DHRS7B: variants seen among roughly 807,000 people sequenced by gnomAD.
DHRS7B encodes dehydrogenase/reductase 7B, also known as peroxisomal reductase activating PPAR-gamma.
A neutral mutation model predicts 26.4 loss-of-function variants in DHRS7B; 24 were observed. The observed-to-expected ratio is 0.91, with a 90% confidence interval of 0.66 to 1.28. The LOEUF (loss-of-function observed/expected upper bound fraction) is 1.28, where lower values mean the gene tolerates loss of function less well. Among genes scored for constraint, DHRS7B ranks in the 50% most tolerant of loss-of-function variants. DHRS7B has a pLI of 0.00. For synonymous variants in DHRS7B, 142 were observed against 166.4 expected (o/e 0.85, Z 1.13); for missense variants, 368 against 419.4 (o/e 0.88, Z 1.07).
chr17:21,188,884 T>C, intron 6 of DHRS7B, 21 bp downstream of exon 6: 1 of 1,614,128 alleles, frequency 6.2e-7, no homozygotes, highest in East Asian at 2.2e-5. Context: ...GTTTCTCTTT[T>C]CTCCTATGAA....
intron 1 of DHRS7B, chr17:21,128,806 GT>G (rs1973161798): frequency 6.6e-6 from 1 of 150,690 alleles, no homozygotes; most frequent in South Asian, 2.1e-4. Flanking sequence ...GGAGGCAGAG[GT>G]TGCAGTGAGC....
intron 1 of DHRS7B, chr17:21,168,814 G>A (rs917663119): frequency 2.9e-5 from 29 of 985,370 alleles, no homozygotes; most frequent in Non-Finnish European, 3.5e-5. Flanking sequence ...CAGGCAAAGT[G>A]GTCTCCAGGG....
At chr17:21,159,252 T>TTC (rs1973946538) in intron 1 of DHRS7B, among the ~76,000 whole-genome samples, 1 of 141,066 alleles carries the variant, frequency 7.1e-6, no homozygotes, top group African/African-American at 2.8e-5. Context: ...CTTTCTTTCT[T>TTC]TTTTTTTTTT....
chr17:21,151,493 A>C (rs1973769952), intron 1 of DHRS7B, among the ~76,000 whole-genome samples: 1 of 147,152 alleles, frequency 6.8e-6, no homozygotes, highest in Admixed American at 6.9e-5. Flanking sequence ...AGCCTGGATG[A>C]CAGTGTGAGA....
intron 5 of DHRS7B, among the ~76,000 whole-genome samples, chr17:21,185,759 C>T (rs1974617633): frequency 6.6e-6 from 1 of 151,908 alleles, no homozygotes; most frequent in Admixed American, 6.6e-5. Flanking sequence ...GCGATCTCGG[C>T]TCACTACAAC....
intron 1 of DHRS7B, among the ~76,000 whole-genome samples, chr17:21,142,263 A>G (rs886796233): frequency 1.1e-4 from 17 of 152,158 alleles, no homozygotes; most frequent in African/African-American, 4.1e-4. Flanking sequence ...AGTGAAACAG[A>G]ACAGAACGGG....
chr17:21,153,556 AG>A (rs1834311298), intron 1 of DHRS7B, among the ~76,000 whole-genome samples: 2 of 152,232 alleles, frequency 1.3e-5, no homozygotes, highest in Admixed American at 1.3e-4. Flanking sequence ...GAGAACACCA[AG>A]CAGGATGTCT....
At chr17:21,185,743 A>G (rs1248999005) in intron 5 of DHRS7B, among the ~76,000 whole-genome samples, 1 of 151,950 alleles carries the variant, frequency 6.6e-6, no homozygotes, top group Non-Finnish European at 1.5e-5. Context: ...GCTAGAGTGC[A>G]GTAGTGCGAT....
intron 1 of DHRS7B, among the ~76,000 whole-genome samples, chr17:21,142,527 A>G (rs1973540207): frequency 6.6e-6 from 1 of 152,224 alleles, no homozygotes; most frequent in African/African-American, 2.4e-5. Context: ...AGCCTCAGAA[A>G]GTCCTGAAGA....
chr17:21,183,742 A>G lies in DHRS7B; in HGVS notation c.458A>G (p.Asp153Gly). 2.5e-6 allele frequency: 4 copies of G among 1,614,240 alleles called. No homozygotes were observed. The highest frequency in any genetic ancestry group is 3.4e-6 in the Non-Finnish European group (4 of 1,180,036). The change falls in exon 4 of 7, where the codon GAC becomes GGC. Residue 153 changes from aspartate to glycine, a missense_variant. Transcript: ENST00000395511. ...ATCAGCTACCGTGGTACCATCATGG[A>G]CACCACAGTGGATGTGGACAAGAGG... is the stretch of plus-strand genomic sequence containing the variant. ...AGISYRGTIM[D>G]TTVDVDKRVM...
intron 1 of DHRS7B, among the ~76,000 whole-genome samples, chr17:21,153,305 C>G (rs912744489): frequency 6.6e-6 from 1 of 151,970 alleles, no homozygotes; most frequent in Non-Finnish European, 1.5e-5. Flanking sequence ...GAGAGAATCT[C>G]TGAGCTTTGA....
At chr17:21,141,619 C>CAA (rs71357469) in intron 1 of DHRS7B, among the ~76,000 whole-genome samples, 4 of 14,378 alleles carry the variant, frequency 2.8e-4, no homozygotes, top group African/African-American at 5.6e-4. Flanking sequence ...AGCAAGAAAG[C>CAA]AAAAAAAAAA....
chr17:21,136,574 T>C (rs1266434094), intron 1 of DHRS7B, among the ~76,000 whole-genome samples: 1 of 152,008 alleles, frequency 6.6e-6, no homozygotes, highest in Non-Finnish European at 1.5e-5. Context: ...TGTTTTGAGA[T>C]GGAGCCTTGC....
intron 1 of DHRS7B, among the ~76,000 whole-genome samples, chr17:21,135,690 T>C (rs1973325660): frequency 6.6e-6 from 1 of 152,208 alleles, no homozygotes; most frequent in Non-Finnish European, 1.5e-5. Context: ...TCCATAAGCC[T>C]TTTATAACCT....
intron 2 of DHRS7B, among the ~76,000 whole-genome samples, chr17:21,173,579 G>A (rs1240759099): frequency 6.6e-6 from 1 of 152,194 alleles, no homozygotes; most frequent in Non-Finnish European, 1.5e-5. Flanking sequence ...TGGTGGAAGT[G>A]GCTTGCAGTT....
At position 21,153,824 on chromosome 17, in the gene DHRS7B, T is replaced by A. The variant is rs552286694; in HGVS notation, c.21-18194T>A. On this transcript the variant is annotated intron_variant, in intron 1 of 6. Coordinates refer to ENST00000395511, the MANE Select transcript of DHRS7B (RefSeq NM_015510.5). ...TACAAAAGGTCACAACTCTTAATAC[T>A]ATTGGATTGGGGATACAGTTTCAAC... Among the ~76,000 whole-genome samples the A allele has an allele frequency of 2.0e-5, 3 of 152,228 alleles. No individual in the cohort carries two copies. The East Asian group carries it at 5.8e-4, about 29-fold the overall frequency.
At chr17:21,144,821 AAAT>A (rs758267173) in intron 1 of DHRS7B, among the ~76,000 whole-genome samples, 4 of 151,900 alleles carry the variant, frequency 2.6e-5, no homozygotes, top group East Asian at 3.9e-4. Flanking sequence ...CTATCTCAAA[AAAT>A]AATAATAATA....
intron 1 of DHRS7B, among the ~76,000 whole-genome samples, chr17:21,163,285 G>C (rs551824081): frequency 1.3e-4 from 20 of 152,046 alleles, no homozygotes; most frequent in Non-Finnish European, 2.4e-4. Flanking sequence ...TACATTGTCA[G>C]GACACTAGGG....
chr17:21,168,918 A>C (rs12944701), intron 1 of DHRS7B: 3 of 985,078 alleles, frequency 3.0e-6, no homozygotes, highest in Admixed American at 6.1e-5. Context: ...TCTTTTCTTC[A>C]TGTCATGGAT....
Sources: gnomAD v4.1 joint callset for allele counts (sites outside exome capture counted in the v4.1 genomes callset) on GRCh38, gnomAD v4.1.1 for gene constraint, MANE v1.5 for transcripts, NCBI Gene and HGNC (gene_info 2026-07-23, HGNC 2026-07-21) for gene names.